Variants in CREB5 observed in about 807,000 individuals in gnomAD.
CREB5 encodes cAMP responsive element binding protein 5, also known as cyclic AMP-responsive element-binding protein 5.
CREB5 carries 19 observed loss-of-function variants against 57.1 expected under a neutral mutation model. The observed-to-expected ratio is 0.33, with a 90% CI of 0.23 to 0.49. The LOEUF (loss-of-function observed/expected upper bound fraction) is 0.49, where lower values mean the gene tolerates loss of function less well. CREB5 is among the 20% of genes least tolerant of loss of function. CREB5 has a pLI of 0.99. For missense variants in CREB5, 579 were observed against 671.6 expected (o/e 0.86, Z 1.52); for synonymous variants, 238 against 238.3 (o/e 1.00, Z 0.01).
intron 5 of CREB5, among the ~76,000 whole-genome samples, chr7:28,577,457 A>G (rs960181354): frequency 2.6e-5 from 4 of 152,230 alleles, no homozygotes; most frequent in Non-Finnish European, 5.9e-5. Flanking sequence ...TCCTAGGTGA[A>G]TAACAGCAAC....
At chr7:28,578,037 A>C (rs1795969022) in intron 5 of CREB5, among the ~76,000 whole-genome samples, 2 of 152,214 alleles carry the variant, frequency 1.3e-5, no homozygotes, top group South Asian at 4.1e-4. Flanking sequence ...TTCTATGGGA[A>C]AATGCAGTCC....
At chr7:28,618,056 G>A (rs184260020) in intron 5 of CREB5, among the ~76,000 whole-genome samples, 2 of 152,278 alleles carry the variant, frequency 1.3e-5, no homozygotes, top group East Asian at 1.9e-4. Flanking sequence ...GGAAGACATC[G>A]CTTCTAGGTG....
chr7:28,400,010 A>T (rs1009797828), intron 1 of CREB5, among the ~76,000 whole-genome samples: 3 of 152,172 alleles, frequency 2.0e-5, no homozygotes, highest in Non-Finnish European at 4.4e-5. Context: ...GTTAGCCGAG[A>T]TAGTGCCATT....
At chr7:28,660,380 A>ATTTTTT (rs1270444966) in intron 5 of CREB5, among the ~76,000 whole-genome samples, 1 of 100,786 alleles carries the variant, frequency 9.9e-6, no homozygotes, top group African/African-American at 5.0e-5. Flanking sequence ...TGCATTCAAC[A>ATTTTTT]GTTTTTTTTT....
chr7:28,671,608 C>T (rs765547495), intron 5 of CREB5, among the ~76,000 whole-genome samples: 9 of 152,244 alleles, frequency 5.9e-5, no homozygotes, highest in Non-Finnish European at 1.2e-4. Context: ...TACAACCAGA[C>T]GGAGAAACCA....
At chr7:28,581,354 C>T (rs1371400679) in intron 5 of CREB5, among the ~76,000 whole-genome samples, 1 of 152,130 alleles carries the variant, frequency 6.6e-6, no homozygotes, top group Non-Finnish European at 1.5e-5. Flanking sequence ...ATTTTTTAAC[C>T]AGCGGAGTGT....
At chr7:28,634,804 T>A (rs1207621574) in intron 5 of CREB5, among the ~76,000 whole-genome samples, 1 of 152,226 alleles carries the variant, frequency 6.6e-6, no homozygotes, top group African/African-American at 2.4e-5. Context: ...GTATCTCTGA[T>A]GGCTTCTTTT....
intron 4 of CREB5, among the ~76,000 whole-genome samples, chr7:28,569,145 T>C (rs769497354): frequency 6.7e-6 from 1 of 150,084 alleles, no homozygotes; most frequent in Non-Finnish European, 1.5e-5. Flanking sequence ...ACTTTCTCTT[T>C]CTTTTCTTTT....
At chr7:28,455,706 T>G (rs1583484177) in intron 1 of CREB5, among the ~76,000 whole-genome samples, 1 of 148,778 alleles carries the variant, frequency 6.7e-6, no homozygotes, top group African/African-American at 2.5e-5. Context: ...TAGTGGGGGG[T>G]GGGTGAAACA....
intron 4 of CREB5, among the ~76,000 whole-genome samples, chr7:28,512,180 A>G (rs1353000760): frequency 1.3e-5 from 2 of 152,180 alleles, no homozygotes; most frequent in African/African-American, 4.8e-5. Flanking sequence ...GGACCAGCAG[A>G]TGGATATATA....
intron 7 of CREB5, among the ~76,000 whole-genome samples, chr7:28,792,566 G>T (rs775061442): frequency 4.6e-5 from 7 of 152,158 alleles, no homozygotes; most frequent in Non-Finnish European, 1.0e-4. Flanking sequence ...CTTCTTAAGC[G>T]TAACTTTCTA....
intron 1 of CREB5, among the ~76,000 whole-genome samples, chr7:28,390,885 A>G (rs1002224948): frequency 6.6e-6 from 1 of 152,096 alleles, no homozygotes; most frequent in African/African-American, 2.4e-5. Flanking sequence ...TATGATTCGA[A>G]CTCAAACTTA....
At chr7:28,758,037 C>CGCA (rs991943167) in intron 7 of CREB5, among the ~76,000 whole-genome samples, 6 of 151,960 alleles carry the variant, frequency 3.9e-5, no homozygotes, top group East Asian at 1.9e-4. Flanking sequence ...GTAGTGTGGG[C>CGCA]GCAGCAGCAG....
chr7:28,613,847 CA>C (rs1797496254), intron 5 of CREB5, among the ~76,000 whole-genome samples: 1 of 152,210 alleles, frequency 6.6e-6, no homozygotes, highest in African/African-American at 2.4e-5. Flanking sequence ...TGGATCCTTT[CA>C]GGGGCAACCT....
chr7:28,551,195 TCTC>T (rs1794629089), intron 4 of CREB5, among the ~76,000 whole-genome samples: 1 of 151,948 alleles, frequency 6.6e-6, no homozygotes, highest in Non-Finnish European at 1.5e-5. Flanking sequence ...ATCAGTATAA[TCTC>T]CTCTCACACA....
At chr7:28,799,072 G>A (rs1808218850) in intron 7 of CREB5, among the ~76,000 whole-genome samples, 1 of 152,200 alleles carries the variant, frequency 6.6e-6, no homozygotes. Context: ...CAGGATCCAG[G>A]GACGCAGTAG....
At chr7:28,513,781 T>C (rs1040651599) in intron 4 of CREB5, 8 of 152,202 alleles carry the variant, frequency 5.3e-5, no homozygotes, top group Admixed American at 5.2e-4. Context: ...GAATAATGAG[T>C]ACAATCTTAG....
At chr7:28,421,848 T>A (rs42731) in intron 1 of CREB5, among the ~76,000 whole-genome samples, 755 of 3,954 alleles carry the variant, frequency 0.19, 5 homozygotes, top group East Asian at 0.35. Context: ...ACACACACAC[T>A]CTCTCTCTCT....
intron 1 of CREB5, among the ~76,000 whole-genome samples, chr7:28,382,371 C>A (rs577284643): frequency 5.3e-5 from 8 of 152,280 alleles, no homozygotes; most frequent in African/African-American, 1.9e-4. Flanking sequence ...CTGGGTTTCA[C>A]TTTCAGCAGA....
Sources: gnomAD v4.1 joint callset for allele counts (sites outside exome capture counted in the v4.1 genomes callset) on GRCh38, gnomAD v4.1.1 for gene constraint, MANE v1.5 for transcripts, NCBI Gene and HGNC (gene_info 2026-07-23, HGNC 2026-07-21) for gene names.